The following FAM178B variants were observed in gnomAD, a reference collection of about 807,000 sequenced individuals.
FAM178B encodes protein FAM178B.
Under a neutral mutation model 91.7 loss-of-function variants are expected in FAM178B, and 82 were observed. The observed-to-expected ratio is 0.89, with a 90% CI of 0.75 to 1.07. FAM178B has a LOEUF of 1.07. Ranked by LOEUF, FAM178B falls within the 50% of genes least tolerant of loss-of-function variation. FAM178B has a pLI of 0.00. For synonymous variants in FAM178B, 368 were observed against 359.4 expected (o/e 1.02, Z -0.27); for missense variants, 769 against 846.7 (o/e 0.91, Z 1.14).
At chr2:96,967,909 G>GTTTTTTTTTTTTTTT (rs1318481195) in intron 4 of FAM178B, among the ~76,000 whole-genome samples, 1 of 40,224 alleles carries the variant, frequency 2.5e-5, no homozygotes, top group African/African-American at 5.6e-5. Context: ...ACCCTGTTTG[G>GTTTTTTTTTTTTTTT]TCTTTTTTTT....
At chr2:96,974,240 G>C (rs1017757052) in intron 1 of FAM178B, among the ~76,000 whole-genome samples, 1 of 151,540 alleles carries the variant, frequency 6.6e-6, no homozygotes, top group South Asian at 2.1e-4. Context: ...AAATTAGCCA[G>C]GTGTGGTGGT....
intron 7 of FAM178B, among the ~76,000 whole-genome samples, chr2:96,950,957 G>A (rs936298840): frequency 6.6e-6 from 1 of 152,146 alleles, no homozygotes; most frequent in African/African-American, 2.4e-5. Flanking sequence ...TGGGATGAGG[G>A]ACCTGTGATC....
chr2:96,904,042 C>T (rs1208611110), intron 12 of FAM178B, among the ~76,000 whole-genome samples: 1 of 152,128 alleles, frequency 6.6e-6, no homozygotes, highest in Non-Finnish European at 1.5e-5. Flanking sequence ...TATGGGCACT[C>T]ACACACAGCT....
At chr2:96,928,173 G>A (rs2081478039) in intron 9 of FAM178B, among the ~76,000 whole-genome samples, 1 of 152,142 alleles carries the variant, frequency 6.6e-6, no homozygotes, top group African/African-American at 2.4e-5. Context: ...AGGGAAGGGG[G>A]GCCTGGCACC....
chr2:96,975,291 T>C (rs937644945), intron 1 of FAM178B, among the ~76,000 whole-genome samples: 21 of 152,158 alleles, frequency 1.4e-4, no homozygotes, highest in Admixed American at 2.6e-4. Context: ...TAGTAACATA[T>C]AGTATTCTTG....
intron 1 of FAM178B, among the ~76,000 whole-genome samples, chr2:96,973,011 C>T (rs1183930390): frequency 6.6e-6 from 1 of 151,840 alleles, no homozygotes; most frequent in African/African-American, 2.4e-5. Context: ...CAAGCCCAGC[C>T]TGGGCAACAT....
rs116495876 is a variant in FAM178B at position 96,951,108 on chromosome 2, A to T, written c.993+271T>A. Among the ~76,000 whole-genome samples, 1,204 of 152,270 alleles carry T rather than the reference A, an allele frequency of 7.9e-3. 15 individuals carry two copies. Among genetic ancestry groups the T allele is most frequent in the Middle Eastern group, 0.024 (7 of 294 alleles). On this transcript the variant is annotated intron_variant, in intron 7 of 16. Transcript: ENST00000490605. ...ACGTGAGGGCACAGGCAGCACCCAG[A>T]GACACACACCTTCGGGGGAAGCAGA...
intron 12 of FAM178B, among the ~76,000 whole-genome samples, chr2:96,905,834 A>ACGTATATATACG (rs1288149803): frequency 1.7e-4 from 4 of 23,026 alleles, no homozygotes; most frequent in Admixed American, 4.0e-4. Flanking sequence ...ATATATATAT[A>ACGTATATATACG]TATATATATA....
chr2:96,925,727 C>T (rs569576609), intron 9 of FAM178B, among the ~76,000 whole-genome samples: 4 of 152,250 alleles, frequency 2.6e-5, no homozygotes, highest in Admixed American at 1.3e-4. Flanking sequence ...TCGGAGACAC[C>T]GTTCAATACT....
intron 9 of FAM178B, among the ~76,000 whole-genome samples, chr2:96,927,956 AGGC>A (rs1223282688): frequency 2.0e-5 from 3 of 152,184 alleles, no homozygotes; most frequent in African/African-American, 7.2e-5. Flanking sequence ...TGCCAGGAGG[AGGC>A]AAGTGGCTCA....
At chr2:96,924,153 A>G (rs1163477697) in intron 9 of FAM178B, among the ~76,000 whole-genome samples, 1 of 152,208 alleles carries the variant, frequency 6.6e-6, no homozygotes, top group African/African-American at 2.4e-5. Context: ...GCTACCGTTC[A>G]GGTGAGGCCT....
intron 1 of FAM178B, among the ~76,000 whole-genome samples, chr2:96,974,670 T>G (rs2082266531): frequency 6.6e-6 from 1 of 152,022 alleles, no homozygotes; most frequent in African/African-American, 2.4e-5. Context: ...AAAAAGATAT[T>G]CCATGCAAAT....
In FAM178B at chr2:96,878,434, G is replaced by A; in HGVS notation, c.1836C>T (p.Asp612=). Residue 612 remains aspartate, a synonymous_variant, in exon 15 of 17, where the codon GAC becomes GAT. Coordinates refer to ENST00000490605, the MANE Select transcript of FAM178B (RefSeq NM_001122646.3). ...MLAGVVVSCQ[D]ITPDQWGELQ... ...GACTCACCCACTGGTCTGGAGTGAT[G>A]TCCTGGCAGCTAACAACTACCCCGG... is the stretch of plus-strand genomic sequence containing the variant. The A allele has an allele frequency of 1.2e-6, 2 of 1,613,962 alleles. No individual in the cohort carries two copies. The highest frequency in any genetic ancestry group is 1.7e-6 in the Non-Finnish European group (2 of 1,180,006).
chr2:96,946,578 A>C (rs1328056920), intron 8 of FAM178B, among the ~76,000 whole-genome samples: 2 of 152,262 alleles, frequency 1.3e-5, no homozygotes, highest in Admixed American at 1.3e-4. Flanking sequence ...AGCCAGAGCT[A>C]AGCTGACAGG....
chr2:96,981,279 T>C (rs1412865436), intron 1 of FAM178B, among the ~76,000 whole-genome samples: 2 of 152,090 alleles, frequency 1.3e-5, no homozygotes, highest in African/African-American at 4.8e-5. Context: ...TCTTTTTTGG[T>C]AATCTCAAAT....
At chr2:96,949,126 GC>G (rs2081881692) in intron 7 of FAM178B, among the ~76,000 whole-genome samples, 1 of 152,202 alleles carries the variant, frequency 6.6e-6, no homozygotes, top group Non-Finnish European at 1.5e-5. Context: ...GGCAAGGCTG[GC>G]CCACACGAGG....
At chr2:96,966,329 TTCA>T (rs1380783680) in intron 5 of FAM178B, among the ~76,000 whole-genome samples, 1 of 151,956 alleles carries the variant, frequency 6.6e-6, no homozygotes, top group African/African-American at 2.4e-5. Context: ...GCCCACACCC[TTCA>T]TCATCAGAGC....
chr2:96,931,569 C>T lies in FAM178B; in HGVS notation c.1079-2249G>A, dbSNP rs574721509. Among the ~76,000 whole-genome samples the T allele has an allele frequency of 3.3e-5, 5 of 152,188 alleles. No individual in the cohort carries two copies. In the South Asian group the frequency reaches 1.0e-3, roughly 32 times the overall value. ...CACAAAGCAGCATGGCATGTCAAGA[C>T]TGGAGGCAGAACAGGCACAAAGCAG... On this transcript the variant is annotated intron_variant, in intron 8 of 16. Transcript: ENST00000490605.
chr2:96,930,993 T>C (rs1294565000), intron 8 of FAM178B, among the ~76,000 whole-genome samples: 1 of 152,172 alleles, frequency 6.6e-6, no homozygotes, highest in Non-Finnish European at 1.5e-5. Flanking sequence ...CCTCCAGAAC[T>C]GTAAGCAATA....
Sources: allele counts gnomAD v4.1 joint callset (sites outside exome capture counted in the v4.1 genomes callset), GRCh38; gene constraint gnomAD v4.1.1; transcripts MANE v1.5; gene names NCBI Gene and HGNC (gene_info 2026-07-23, HGNC 2026-07-21).